Variants in RARB observed in about 807,000 individuals in gnomAD.
RARB encodes the protein HBV-activated protein.
Under a neutral mutation model 51.9 loss-of-function variants are expected in RARB, and 17 were observed. The observed-to-expected ratio is 0.33, with a 90% confidence interval of 0.22 to 0.49. The LOEUF (loss-of-function observed/expected upper bound fraction) is 0.49. RARB is among the 20% of genes least tolerant of loss of function. RARB has a pLI of 0.99. For synonymous variants in RARB, 215 were observed against 195.4 expected, an observed-to-expected ratio of 1.10 and a Z score of -0.84; for missense variants, 369 against 550.8, an observed-to-expected ratio of 0.67 and a Z score of 3.30.
chr3:25,077,947 T>C (rs1698908981), intron 3 of RARB, among the ~76,000 whole-genome samples: 2 of 152,308 alleles, frequency 1.3e-5, no homozygotes, highest in African/African-American at 4.8e-5. Flanking sequence ...CTAATGAAGC[T>C]GACCATTTTT....
In RARB at chr3:25,593,446, TTGA is replaced by T. The variant is rs1260890533; in HGVS notation, c.787-52_787-50del. ...CATGTTATTTCCTGCTTACATCTGA[TTGA>T]TGATTTCAGGACAGGATGGCTTAGA... On this transcript the variant is annotated intron_variant, in intron 5 of 7. Coordinates refer to ENST00000330688, the MANE Select transcript of RARB (RefSeq NM_000965.5). 2.0e-6 allele frequency: 3 copies of T among 1,480,188 alleles called. No homozygotes were observed. The East Asian group carries it at 6.8e-5, about 34-fold the overall frequency. 91.7% of individuals were successfully genotyped at this position (1,480,188 alleles called of 1,614,324 possible).
At chr3:25,563,716 T>C (rs1700366278) in intron 3 of RARB, among the ~76,000 whole-genome samples, 1 of 152,242 alleles carries the variant, frequency 6.6e-6, no homozygotes, top group South Asian at 2.1e-4. Context: ...AATGTTTTTC[T>C]TTTAAATATA....
chr3:24,978,147 G>A (rs751878674), intron 2 of RARB, among the ~76,000 whole-genome samples: 8 of 152,136 alleles, frequency 5.3e-5, no homozygotes, highest in African/African-American at 7.2e-5. Flanking sequence ...GCTGGATTCA[G>A]TTTGCCAGTA....
intron 4 of RARB, among the ~76,000 whole-genome samples, chr3:25,570,588 A>C (rs1700669731): frequency 6.6e-6 from 1 of 152,222 alleles, no homozygotes; most frequent in African/African-American, 2.4e-5. Context: ...GAAAAAGAGA[A>C]GTGAGATAAA....
In RARB at chr3:25,207,653, C is replaced by T. The variant is rs540759383; in HGVS notation, c.178+33078C>T. Among the ~76,000 whole-genome samples, 251 of 152,162 alleles carry T rather than the reference C, an allele frequency of 1.6e-3. 3 individuals are homozygous for T. The highest frequency in any genetic ancestry group is 1.7e-3 in the Non-Finnish European group (114 of 68,016). ...TAATTATTTAATTTCTCTCTCCCTG[C>T]GGGAATAAAACCCTGTAAAGAGTTT... On this transcript the variant is annotated intron_variant, in intron 5 of 11. Coordinates refer to the RARB transcript ENST00000383772.
chr3:24,884,491 A>AT (rs148825795), intron 2 of RARB, among the ~76,000 whole-genome samples: 3,598 of 152,158 alleles, frequency 0.024, 81 homozygotes, highest in Middle Eastern at 0.065. Context: ...CATAGCACAG[A>AT]TTTTTTTCCC....
At chr3:25,035,423 T>A (rs1389140292) in intron 2 of RARB, among the ~76,000 whole-genome samples, 1 of 14,420 alleles carries the variant, frequency 6.9e-5, no homozygotes, top group Non-Finnish European at 6.9e-4. Flanking sequence ...CGTCCAGCCT[T>A]TTTTTTTTTT....
chr3:25,279,791 A>G (rs1179072328), intron 5 of RARB, among the ~76,000 whole-genome samples: 1 of 152,156 alleles, frequency 6.6e-6, no homozygotes, highest in Non-Finnish European at 1.5e-5. Context: ...CTGTGTTGTA[A>G]TATCACTGTG....
chr3:25,120,473 C>T (rs1472887911), intron 3 of RARB, among the ~76,000 whole-genome samples: 1 of 151,492 alleles, frequency 6.6e-6, no homozygotes, highest in Non-Finnish European at 1.5e-5. Context: ...AAATGTAAAA[C>T]ACTGTATGGG....
intron 5 of RARB, among the ~76,000 whole-genome samples, chr3:25,391,964 C>G (rs918406659): frequency 1.3e-5 from 2 of 152,104 alleles, no homozygotes; most frequent in African/African-American, 4.8e-5. Flanking sequence ...AAGTCTTTGC[C>G]TAAGCCAATG....
chr3:25,588,725 A>T (rs982678120), intron 5 of RARB, among the ~76,000 whole-genome samples: 1 of 152,168 alleles, frequency 6.6e-6, no homozygotes, highest in African/African-American at 2.4e-5. Context: ...ACAATCGCTC[A>T]TCACATTTGT....
chr3:24,848,968 C>G (rs148025181), intron 1 of RARB, among the ~76,000 whole-genome samples: 1 of 152,306 alleles, frequency 6.6e-6, no homozygotes, highest in East Asian at 1.9e-4. Flanking sequence ...ATTTCATTGT[C>G]TTGCAACATC....
chr3:24,905,460 G>A lies in RARB; in HGVS notation c.-380+46708G>A, dbSNP rs559758543. On this transcript the variant is annotated intron_variant, in intron 2 of 11. Coordinates refer to the RARB transcript ENST00000383772. ...TTCTGTTCCACTAACACTGGTGATG[G>A]TACTCATTATTGATGGGCTGACTCA... Among the ~76,000 whole-genome samples the A allele has an allele frequency of 3.3e-5, 5 of 152,218 alleles. No homozygotes were observed. In the South Asian group the frequency reaches 6.2e-4, roughly 19 times the overall value.
intron 2 of RARB, among the ~76,000 whole-genome samples, chr3:24,956,822 T>C (rs979560467): frequency 5.3e-5 from 8 of 152,136 alleles, no homozygotes; most frequent in Non-Finnish European, 1.2e-4. Context: ...CCGCTAGATA[T>C]TTGTACACAG....
At chr3:25,299,065 T>C (rs774984124) in intron 5 of RARB, among the ~76,000 whole-genome samples, 10 of 152,250 alleles carry the variant, frequency 6.6e-5, no homozygotes, top group Non-Finnish European at 1.5e-4. Flanking sequence ...GACTTGTTCT[T>C]ACAAGGTCAG....
intron 1 of RARB, among the ~76,000 whole-genome samples, chr3:24,853,227 G>A (rs934191162): frequency 2.6e-5 from 4 of 152,082 alleles, no homozygotes; most frequent in Non-Finnish European, 5.9e-5. Flanking sequence ...TGAGGCAGGA[G>A]AATGGTGTGA....
intron 2 of RARB, among the ~76,000 whole-genome samples, chr3:25,040,042 A>G (rs1698081319): frequency 6.6e-6 from 1 of 152,208 alleles, no homozygotes; most frequent in African/African-American, 2.4e-5. Flanking sequence ...GATATCCTGA[A>G]GGTGAGCTCT....
intron 2 of RARB, among the ~76,000 whole-genome samples, chr3:24,880,981 C>A (rs1288901587): frequency 1.3e-5 from 2 of 152,286 alleles, no homozygotes; most frequent in African/African-American, 2.4e-5. Flanking sequence ...CAAATCTCAT[C>A]TTGAATGGTA....
rs138103933 is a variant in RARB at position 25,540,658 on chromosome 3, A to G, written c.449-29100A>G. Among the ~76,000 whole-genome samples, 652 of 152,356 alleles carry G rather than the reference A, an allele frequency of 4.3e-3. 4 individuals are homozygous for G. Among genetic ancestry groups the G allele is most frequent in the African/African-American group, 0.014 (599 of 41,588 alleles). The stretch of plus-strand genomic sequence containing the variant: ...CGTCCTATAACCACTAAGGTGAGAC[A>G]TAGGCACCAAGAAATAGTTACCAGA... On this transcript the variant is annotated intron_variant, in intron 3 of 7. Transcript: ENST00000330688.
Sources: allele counts gnomAD v4.1 joint callset (sites outside exome capture counted in the v4.1 genomes callset), GRCh38; gene constraint gnomAD v4.1.1; transcripts MANE v1.5; gene names NCBI Gene and HGNC (gene_info 2026-07-23, HGNC 2026-07-21).